SKAP1: variants seen among roughly 807,000 people sequenced by gnomAD.
SKAP1 encodes src kinase-associated phosphoprotein 1.
SKAP1 carries 44 observed loss-of-function variants against 58.5 expected under a neutral mutation model. The ratio of observed to expected loss-of-function variants is 0.75; its 90% CI spans 0.59 to 0.97. SKAP1 has a LOEUF of 0.97. Among genes scored for constraint, SKAP1 ranks in the 50% least tolerant of loss-of-function variants. SKAP1 has a pLI of 0.00. For synonymous variants in SKAP1, 127 were observed against 149.7 expected, an observed-to-expected ratio of 0.85 and a Z score of 1.11; for missense variants, 390 against 435.2, an observed-to-expected ratio of 0.90 and a Z score of 0.92.
At chr17:48,204,037 C>T (rs2064761689) in intron 4 of SKAP1, 1 of 152,076 alleles carries the variant, frequency 6.6e-6, no homozygotes, top group Non-Finnish European at 1.5e-5. Flanking sequence ...GAAACAGGCT[C>T]ACACAGTTGG....
chr17:48,205,652 C>T (rs1334712554), intron 4 of SKAP1, among the ~76,000 whole-genome samples: 2 of 152,016 alleles, frequency 1.3e-5, no homozygotes, highest in Admixed American at 6.6e-5. Flanking sequence ...ATCCTAAAAC[C>T]TTCTGAATCA....
chr17:48,234,838 T>C (rs1182122938), intron 4 of SKAP1, among the ~76,000 whole-genome samples: 2 of 152,214 alleles, frequency 1.3e-5, no homozygotes, highest in Non-Finnish European at 2.9e-5. Context: ...TGGCATGATA[T>C]GGCAGAACAA....
At chr17:48,412,663 CTAAAT>C (rs888274348) in intron 1 of SKAP1, among the ~76,000 whole-genome samples, 1 of 152,100 alleles carries the variant, frequency 6.6e-6, no homozygotes, top group Non-Finnish European at 1.5e-5. Context: ...ACTCTTCTTA[CTAAAT>C]TCATTTTCCT....
In SKAP1 at chr17:48,326,060, G is replaced by C. The variant is rs550315224; in HGVS notation, c.280+19845C>G. Among the ~76,000 whole-genome samples, 10 of 152,260 alleles carry C rather than the reference G, an allele frequency of 6.6e-5. No homozygotes were observed. In the South Asian group the frequency reaches 1.0e-3, roughly 16 times the overall value. ...GTGTGCAAACAACGTAAATCTACAAGTTATAACCAAGTAGAATATAGGGAA... is the reference window on the plus strand; with the variant it reads ...GTGTGCAAACAACGTAAATCTACAACTTATAACCAAGTAGAATATAGGGAA... On this transcript the variant is annotated intron_variant, in intron 4 of 12. Transcript: ENST00000336915.
chr17:48,304,049 AAG>A (rs1193532553), intron 4 of SKAP1, among the ~76,000 whole-genome samples: 1 of 152,200 alleles, frequency 6.6e-6, no homozygotes, highest in East Asian at 1.9e-4. Context: ...GAAAAAATGA[AAG>A]AGTTTTAAAT....
intron 4 of SKAP1, among the ~76,000 whole-genome samples, chr17:48,214,368 CCTT>C (rs2064911100): frequency 2.6e-5 from 4 of 152,308 alleles, no homozygotes; most frequent in Non-Finnish European, 1.5e-5. Context: ...GGATGTATTG[CCTT>C]CTTCTTCATC....
chr17:48,411,071 C>T (rs367991823), intron 1 of SKAP1, among the ~76,000 whole-genome samples: 15 of 151,478 alleles, frequency 9.9e-5, no homozygotes, highest in South Asian at 2.1e-4. Flanking sequence ...TAAGTATGCA[C>T]GATTCCATAC....
chr17:48,262,877 C>T (rs1368294999), intron 4 of SKAP1, among the ~76,000 whole-genome samples: 1 of 152,158 alleles, frequency 6.6e-6, no homozygotes, highest in African/African-American at 2.4e-5. Context: ...AGATGAAACT[C>T]AGACTTGAAG....
At chr17:48,244,662 A>G (rs902555013) in intron 4 of SKAP1, among the ~76,000 whole-genome samples, 1 of 152,228 alleles carries the variant, frequency 6.6e-6, no homozygotes, top group Non-Finnish European at 1.5e-5. Flanking sequence ...ATACACAGTT[A>G]TAATATTCCA....
intron 4 of SKAP1, among the ~76,000 whole-genome samples, chr17:48,235,731 C>T (rs2143800800): frequency 6.6e-6 from 1 of 152,332 alleles, no homozygotes; most frequent in South Asian, 2.1e-4. Context: ...GTGCTGAGAA[C>T]TTAGCAAGTG....
intron 1 of SKAP1, among the ~76,000 whole-genome samples, chr17:48,419,588 A>AG (rs1211262626): frequency 6.6e-6 from 1 of 151,994 alleles, no homozygotes; most frequent in African/African-American, 2.4e-5. Flanking sequence ...CGGCCAGAAA[A>AG]GTTATTTTTA....
chr17:48,261,110 C>G (rs2065479725), intron 4 of SKAP1, among the ~76,000 whole-genome samples: 1 of 152,130 alleles, frequency 6.6e-6, no homozygotes. Context: ...ATCTGAACGA[C>G]CCCTAAGTCT....
intron 9 of SKAP1, among the ~76,000 whole-genome samples, chr17:48,177,992 A>G (rs2064314502): frequency 6.6e-6 from 1 of 152,124 alleles, no homozygotes; most frequent in South Asian, 2.1e-4. Context: ...ATGTACCTAC[A>G]GATGAGTCTT....
intron 11 of SKAP1, among the ~76,000 whole-genome samples, chr17:48,137,577 C>G (rs956033647): frequency 6.6e-6 from 1 of 152,210 alleles, no homozygotes; most frequent in Non-Finnish European, 1.5e-5. Flanking sequence ...GATGCCCTTG[C>G]TGAACCTGAA....
chr17:48,244,355 A>G lies in SKAP1; in HGVS notation c.281-54855T>C, dbSNP rs965209463. 3.3e-5 allele frequency among the ~76,000 whole-genome samples: 5 copies of G among 152,216 alleles called. No homozygotes were observed. The East Asian group carries it at 5.8e-4, about 18-fold the overall frequency. On this transcript the variant is annotated intron_variant, in intron 4 of 12. Coordinates refer to ENST00000336915, the MANE Select transcript of SKAP1 (RefSeq NM_003726.4). ...TTCGGTGGGAACATCTTGAAATAAG[A>G]TAACACTCCCCAAATGGAAGGAAGT...
chr17:48,432,502 C>T (rs71377364), upstream of SKAP1, among the ~76,000 whole-genome samples: 4,476 of 152,108 alleles, frequency 0.029, 246 homozygotes, highest in African/African-American at 0.1. Flanking sequence ...GGATCAAGTA[C>T]CAGGTACCCC....
At chr17:48,372,467 C>T (rs149719407) in intron 2 of SKAP1, among the ~76,000 whole-genome samples, 2 of 151,630 alleles carry the variant, frequency 1.3e-5, no homozygotes, top group African/African-American at 2.4e-5. Context: ...CCACCATGCC[C>T]GGCTAATTTT....
intron 4 of SKAP1, among the ~76,000 whole-genome samples, chr17:48,328,298 T>TA (rs1305623248): frequency 3.3e-5 from 5 of 152,254 alleles, no homozygotes; most frequent in African/African-American, 1.2e-4. Flanking sequence ...ATCAGGGGCT[T>TA]AAATACTTTT....
At chr17:48,244,931 T>A (rs1166069693) in intron 4 of SKAP1, among the ~76,000 whole-genome samples, 2 of 152,214 alleles carry the variant, frequency 1.3e-5, no homozygotes, top group Non-Finnish European at 2.9e-5. Context: ...ACCTGGACCA[T>A]AATCGTAGAA....
Sources: allele counts gnomAD v4.1 joint callset (sites outside exome capture counted in the v4.1 genomes callset), GRCh38; gene constraint gnomAD v4.1.1; transcripts MANE v1.5; gene names NCBI Gene and HGNC (gene_info 2026-07-23, HGNC 2026-07-21).